The following ZRANB1 variants were observed in gnomAD, a reference collection of about 807,000 sequenced individuals.
ZRANB1 encodes the protein ubiquitin thioesterase ZRANB1.
A neutral mutation model predicts 80.5 loss-of-function variants in ZRANB1; 16 were observed. That is an observed-to-expected ratio of 0.20 (90% confidence interval 0.13 to 0.30). The LOEUF (loss-of-function observed/expected upper bound fraction) is 0.30, where lower values mean the gene tolerates loss of function less well. Among genes scored for constraint, ZRANB1 ranks in the 10% least tolerant of loss-of-function variants. The probability of loss-of-function intolerance (pLI) is 1.00; values close to 1 mark genes in which losing one functional copy is unlikely to be tolerated. For synonymous variants in ZRANB1, 291 were observed against 293.1 expected (o/e 0.99, Z 0.07); for missense variants, 576 against 862.6 (o/e 0.67, Z 4.16).
At chr10:124,926,151 T>C in the ZRANB1 span, among the ~76,000 whole-genome samples, 1 of 152,176 alleles carries the variant, frequency 6.6e-6, no homozygotes. Context: ...TGGAAGTTGC[T>C]CTGGGTAAGT....
Position 124,986,289 on chromosome 10 carries a change from G to GCACACACA in ZRANB1, c.*1298_*1299insACACACAC, listed in dbSNP as rs1348841236. 72 of 108,436 alleles carry GCACACACA rather than the reference G, an allele frequency of 6.6e-4. No homozygotes were observed. Among genetic ancestry groups the GCACACACA allele is most frequent in the African/African-American group, 2.5e-3 (68 of 27,624 alleles). The allele number at this position is 108,436 out of a possible 1,614,324, so 6.7% of individuals were successfully genotyped here. On this transcript the variant is annotated 3_prime_UTR_variant, in exon 9 of 9. Transcript: ENST00000359653. ...AAAGACGACACACGCACGCGCGCGC[G>GCACACACA]CGCACACACACACACACACACACAC...
At chr10:124,953,883 CTGAT>C (rs563150823) in intron 1 of ZRANB1, among the ~76,000 whole-genome samples, 3 of 151,224 alleles carry the variant, frequency 2.0e-5, no homozygotes, top group Non-Finnish European at 4.4e-5. Context: ...GTTATGAACT[CTGAT>C]TGTATGCTGA....
intron 1 of ZRANB1, among the ~76,000 whole-genome samples, chr10:124,948,530 A>G (rs555560076): frequency 1.0e-4 from 15 of 146,176 alleles, no homozygotes; most frequent in East Asian, 4.0e-4. Context: ...TTTTTTTCCT[A>G]TAAATAAGCC....
At chr10:124,939,827 T>C (rs1197990111), upstream of ZRANB1, among the ~76,000 whole-genome samples, 3 of 152,214 alleles carry the variant, frequency 2.0e-5, no homozygotes, top group Non-Finnish European at 4.4e-5. Flanking sequence ...CCATTAAATC[T>C]GTATTGTCTA....
At chr10:124,952,613 T>A (rs931868925) in intron 1 of ZRANB1, among the ~76,000 whole-genome samples, 1 of 149,560 alleles carries the variant, frequency 6.7e-6, no homozygotes, top group Non-Finnish European at 1.5e-5. Context: ...ACAAATAATA[T>A]CTTTTTTTTT....
At chr10:124,966,219 T>G (rs867810654) in intron 1 of ZRANB1, among the ~76,000 whole-genome samples, 3 of 152,076 alleles carry the variant, frequency 2.0e-5, no homozygotes, top group Non-Finnish European at 2.9e-5. Flanking sequence ...CCTGTCTCCT[T>G]GGTTTCTGCA....
intron 1 of ZRANB1, among the ~76,000 whole-genome samples, chr10:124,959,373 A>C (rs953182733): frequency 6.6e-6 from 1 of 151,898 alleles, no homozygotes; most frequent in African/African-American, 2.4e-5. Flanking sequence ...ACCTGTAGGG[A>C]ATATTGGGAC....
Position 124,943,427 on chromosome 10 carries a change from GTT to G in ZRANB1, c.814+122_814+123del. ...CTTAGCCACTTGCTTGAAACCAGGA[GTT>G]TGAGGCTGTAGTATGCCATGATCGG... On this transcript the variant is annotated intron_variant, in intron 1 of 8. Transcript: ENST00000359653. The G allele has an allele frequency of 3.3e-6, 3 of 904,616 alleles. No homozygotes were observed. In the South Asian group the frequency reaches 5.3e-5, roughly 16 times the overall value. The allele number at this position is 904,616 out of a possible 1,614,324, so 56.0% of individuals were successfully genotyped here.
At chr10:124,959,835 A>T (rs560820395) in intron 1 of ZRANB1, among the ~76,000 whole-genome samples, 1 of 152,170 alleles carries the variant, frequency 6.6e-6, no homozygotes, top group Admixed American at 6.5e-5. Context: ...CCTAGTGTAG[A>T]GGGAGCAACA....
chr10:124,963,297 G>T (rs1250076864), intron 1 of ZRANB1, among the ~76,000 whole-genome samples: 1 of 147,892 alleles, frequency 6.8e-6, no homozygotes, highest in African/African-American at 2.5e-5. Flanking sequence ...AAATGCTTCA[G>T]TTACTCTTGG....
At chr10:124,940,199 C>A (rs944951582), upstream of ZRANB1, among the ~76,000 whole-genome samples, 3 of 152,082 alleles carry the variant, frequency 2.0e-5, no homozygotes, top group Admixed American at 1.3e-4. Context: ...GGCTGACCAG[C>A]CCAGTTGATT....
chr10:124,941,931 ATAAT>A (rs1951539348), upstream of ZRANB1, among the ~76,000 whole-genome samples: 1 of 152,220 alleles, frequency 6.6e-6, no homozygotes, highest in Admixed American at 6.5e-5. Context: ...AGAACAGTGG[ATAAT>A]TAGCATTTTA....
chr10:124,952,799 C>T (rs1236644429), intron 1 of ZRANB1, among the ~76,000 whole-genome samples: 2 of 152,048 alleles, frequency 1.3e-5, no homozygotes, highest in South Asian at 4.1e-4. Context: ...TTAGTAGAGA[C>T]GGGTTTCACC....
chr10:124,978,751 C>G (rs1316330401), intron 5 of ZRANB1, among the ~76,000 whole-genome samples: 2 of 151,036 alleles, frequency 1.3e-5, no homozygotes, highest in East Asian at 3.9e-4. Flanking sequence ...CTCAGCCTCC[C>G]AAGTAGCTGG....
At chr10:124,928,054 A>G in the ZRANB1 span, among the ~76,000 whole-genome samples, 1 of 152,180 alleles carries the variant, frequency 6.6e-6, no homozygotes, top group African/African-American at 2.4e-5. Flanking sequence ...AAAAATAAAT[A>G]AAAGAACTAA....
chr10:124,980,050 C>T (rs528693395), intron 5 of ZRANB1, among the ~76,000 whole-genome samples: 8 of 152,134 alleles, frequency 5.3e-5, no homozygotes, highest in African/African-American at 1.7e-4. Context: ...ACAGCTTTAT[C>T]GATTTTTGTA....
At chr10:124,967,469 G>A (rs1221126150) in intron 2 of ZRANB1, among the ~76,000 whole-genome samples, 1 of 152,178 alleles carries the variant, frequency 6.6e-6, no homozygotes, top group East Asian at 1.9e-4. Context: ...ATAAGCAGAG[G>A]CTGGATTACG....
chr10:124,972,726 G>A (rs1005821140), intron 3 of ZRANB1, among the ~76,000 whole-genome samples: 2 of 151,202 alleles, frequency 1.3e-5, no homozygotes, highest in Admixed American at 6.6e-5. Flanking sequence ...AACACCAAAC[G>A]TTTCTAAAAT....
the ZRANB1 span, among the ~76,000 whole-genome samples, chr10:124,933,299 G>C: frequency 1.3e-5 from 2 of 151,666 alleles, no homozygotes; most frequent in South Asian, 4.2e-4. Context: ...ACCATGCCCA[G>C]CTAATTTTTT....
Sources: allele counts gnomAD v4.1 joint callset (sites outside exome capture counted in the v4.1 genomes callset), GRCh38; gene constraint gnomAD v4.1.1; transcripts MANE v1.5; gene names NCBI Gene and HGNC (gene_info 2026-07-23, HGNC 2026-07-21).